Variants in SYTL5 observed in about 807,000 individuals in gnomAD.
SYTL5 encodes synaptotagmin-like protein 5.
SYTL5 carries 34 observed loss-of-function variants against 55.9 expected under a neutral mutation model. That is an observed-to-expected ratio of 0.61 (90% CI 0.46 to 0.81). The LOEUF (loss-of-function observed/expected upper bound fraction) is 0.81. Among genes scored for constraint, SYTL5 ranks in the 30% least tolerant of loss-of-function variants. The pLI is 0.00. For missense variants in SYTL5, 637 were observed against 546.7 expected (o/e 1.17, Z -1.65); for synonymous variants, 221 against 188.7 (o/e 1.17, Z -1.40).
intron 6 of SYTL5, among the ~76,000 whole-genome samples, chrX:38,087,886 T>C (rs968801297): frequency 8.9e-6 from 1 of 111,776 alleles, no homozygotes; most frequent in African/African-American, 3.3e-5. Flanking sequence ...GATAGCATAG[T>C]GGTATGTCGG....
At chrX:38,079,805 A>G (rs1438971302) in intron 6 of SYTL5, among the ~76,000 whole-genome samples, 1 of 111,800 alleles carries the variant, frequency 8.9e-6, no homozygotes, top group Non-Finnish European at 1.9e-5. Context: ...AGCTTTTTCC[A>G]CATTGAGGAG....
At chrX:38,046,587 G>A (rs1935468923) in intron 2 of SYTL5, among the ~76,000 whole-genome samples, 1 of 111,566 alleles carries the variant, frequency 9.0e-6, no homozygotes, top group Non-Finnish European at 1.9e-5. Flanking sequence ...ATGAAACTTG[G>A]GTGGGGACAG....
chrX:38,098,732 A>G (rs1380714538), intron 9 of SYTL5, among the ~76,000 whole-genome samples: 1 of 111,185 alleles, frequency 9.0e-6, no homozygotes, highest in Non-Finnish European at 1.9e-5. Flanking sequence ...ATATGTCCAC[A>G]TAAAGACTTA....
At chrX:37,958,957 G>C in the SYTL5 span, among the ~76,000 whole-genome samples, 1 of 112,301 alleles carries the variant, frequency 8.9e-6, no homozygotes, top group Admixed American at 9.4e-5. Context: ...TGGGAGGGGG[G>C]GTTGGAATCT....
chrX:38,020,191 T>G (rs570862500), intron 1 of SYTL5, among the ~76,000 whole-genome samples: 1 of 110,059 alleles, frequency 9.1e-6, no homozygotes, highest in Non-Finnish European at 1.9e-5. Context: ...TCATGACATA[T>G]GAAGCAGAGG....
the SYTL5 span, among the ~76,000 whole-genome samples, chrX:37,915,211 G>A: frequency 1.8e-5 from 2 of 111,741 alleles, no homozygotes; most frequent in Non-Finnish European, 3.8e-5. Flanking sequence ...AGTGAGTAGG[G>A]AGGCAGTTGA....
In SYTL5 at chrX:38,088,949, G is replaced by A. The variant is rs370281200; in HGVS notation, c.690-497G>A. On this transcript the variant is annotated intron_variant, in intron 6 of 16. Transcript: ENST00000297875. ...TAAATACAGTAGTCTGGCAAAGACC[G>A]TAAGTCAATAGGAATTGAGTGGAAC... Among the ~76,000 whole-genome samples, 13 of 112,467 alleles carry A rather than the reference G, an allele frequency of 1.2e-4. No individual in the cohort carries two copies. The South Asian group carries it at 3.7e-3, about 32-fold the overall frequency.
intron 11 of SYTL5, among the ~76,000 whole-genome samples, chrX:38,107,277 C>G (rs746070811): frequency 1.9e-4 from 21 of 111,660 alleles, no homozygotes; most frequent in Non-Finnish European, 3.0e-4. Context: ...CAGTGATTCA[C>G]TAGGAGGACT....
intron 2 of SYTL5, among the ~76,000 whole-genome samples, chrX:38,040,390 A>T (rs370693561): frequency 6.3e-5 from 7 of 110,428 alleles, no homozygotes; most frequent in African/African-American, 2.3e-4. Flanking sequence ...GACTATAGTC[A>T]CCACACTGTG....
intron 2 of SYTL5, among the ~76,000 whole-genome samples, chrX:38,042,525 G>T (rs1935316294): frequency 9.0e-6 from 1 of 111,666 alleles, no homozygotes; most frequent in African/African-American, 3.3e-5. Context: ...TGTTGTTCAA[G>T]GATCCTCTGT....
chrX:37,976,554 C>T, the SYTL5 span, among the ~76,000 whole-genome samples: 2 of 111,942 alleles, frequency 1.8e-5, no homozygotes, highest in Non-Finnish European at 3.8e-5. Context: ...ATGAACTCAT[C>T]TCACCTTGAC....
chrX:38,115,018 T>C (rs1937448213), intron 13 of SYTL5, among the ~76,000 whole-genome samples: 1 of 112,471 alleles, frequency 8.9e-6, no homozygotes, highest in African/African-American at 3.2e-5. Flanking sequence ...TCCATGTTGT[T>C]GCAAATGCAA....
intron 3 of SYTL5, among the ~76,000 whole-genome samples, chrX:38,064,240 A>G (rs980457541): frequency 5.4e-5 from 6 of 111,848 alleles, no homozygotes; most frequent in African/African-American, 1.6e-4. Flanking sequence ...GAGCATTTTC[A>G]GCTTGACAAG....
At chrX:38,100,922 A>G (rs1160369721) in intron 9 of SYTL5, among the ~76,000 whole-genome samples, 1 of 111,146 alleles carries the variant, frequency 9.0e-6, no homozygotes. Context: ...ACAATAGAAA[A>G]AAATCTGAAA....
the SYTL5 span, among the ~76,000 whole-genome samples, chrX:37,978,365 G>A: frequency 9.0e-6 from 1 of 111,623 alleles, no homozygotes. Flanking sequence ...CAGGTGGTGA[G>A]GGGGAGACAA....
At position 38,093,454 on chromosome X, in the gene SYTL5, T is replaced by C. The variant is rs185139530; in HGVS notation, c.832-841T>C. On this transcript the variant is annotated intron_variant, in intron 7 of 16. Coordinates refer to ENST00000297875, the MANE Select transcript of SYTL5 (RefSeq NM_138780.3). ...TAACCTCAGCCCAGTTCTGGAAAGG[T>C]CCAAAATTTGTTATAGTTGTTGTTT... Among the ~76,000 whole-genome samples the C allele has an allele frequency of 3.0e-4, 34 of 111,762 alleles. 1 individual carries two copies. Among genetic ancestry groups the C allele is most frequent in the Admixed American group, 3.0e-3 (32 of 10,553 alleles).
the SYTL5 span, among the ~76,000 whole-genome samples, chrX:37,910,920 T>C: frequency 9.1e-6 from 1 of 110,183 alleles, no homozygotes; most frequent in African/African-American, 3.3e-5. Context: ...GGTCATTACA[T>C]ACATCATTGT....
intron 1 of SYTL5, among the ~76,000 whole-genome samples, chrX:38,017,633 G>A (rs1487634933): frequency 9.2e-6 from 1 of 109,219 alleles, no homozygotes; most frequent in Non-Finnish European, 1.9e-5. Context: ...ACGAGATTCA[G>A]ATAAGCTGGG....
chrX:37,907,673 A>G, the SYTL5 span, among the ~76,000 whole-genome samples: 1 of 111,825 alleles, frequency 8.9e-6, no homozygotes, highest in Non-Finnish European at 1.9e-5. Flanking sequence ...GGTCTGTTGA[A>G]AAAAAATGAA....
Sources: gnomAD v4.1 joint callset for allele counts (sites outside exome capture counted in the v4.1 genomes callset) on GRCh38, gnomAD v4.1.1 for gene constraint, MANE v1.5 for transcripts, NCBI Gene and HGNC (gene_info 2026-07-23, HGNC 2026-07-21) for gene names.